CUL7: variants seen among roughly 807,000 people sequenced by gnomAD.
CUL7 encodes the protein cullin 7.
In CUL7, 96 loss-of-function variants were observed where a neutral mutation model predicts 177.7. The ratio of observed to expected loss-of-function variants is 0.54; its 90% CI spans 0.46 to 0.64. The LOEUF (loss-of-function observed/expected upper bound fraction) is 0.64, where lower values mean the gene tolerates loss of function less well. Among genes scored for constraint, CUL7 ranks in the 30% least tolerant of loss-of-function variants. The pLI is 0.00. For missense variants in CUL7, 1,893 were observed against 2,187.9 expected, an observed-to-expected ratio of 0.87 and a Z score of 2.69; for synonymous variants, 824 against 890.2, an observed-to-expected ratio of 0.93 and a Z score of 1.32.
At position 43,053,659 on chromosome 6, in the gene CUL7, C is replaced by T; in HGVS notation, c.-46G>A. The T allele has an allele frequency of 7.2e-7, 1 of 1,397,448 alleles. No homozygotes were observed. Among genetic ancestry groups the T allele is most frequent in the Non-Finnish European group, 9.2e-7 (1 of 1,081,304 alleles). 86.6% of individuals were successfully genotyped at this position (1,397,448 alleles called of 1,614,324 possible). The stretch of plus-strand genomic sequence containing the variant: ...CCGGGGTCCTGGCGCGAGGCCTGTC[C>T]TTCACAGAGCAAGGGACGCGGCACA... On this transcript the variant is annotated 5_prime_UTR_variant, in exon 1 of 26. Coordinates refer to ENST00000265348, the MANE Select transcript of CUL7 (RefSeq NM_014780.5). This position sits in a 1 kb window ranked among gnomAD's most constrained non-coding sequence, Gnocchi z 4.1.
chr6:43,041,648 G>T (rs910136825), intron 19 of CUL7, among the ~76,000 whole-genome samples: 3 of 150,688 alleles, frequency 2.0e-5, no homozygotes, highest in Non-Finnish European at 3.0e-5. Context: ...AAAAAGAAAG[G>T]AGAGGAAAAG....
In CUL7 at chr6:43,051,801, C is replaced by T. The variant is rs1441257817; in HGVS notation, c.581-38G>A. 6.2e-7 allele frequency: 1 copy of T among 1,610,596 alleles called. No homozygotes were observed. Among genetic ancestry groups the T allele is most frequent in the Non-Finnish European group, 8.5e-7 (1 of 1,176,972 alleles). On this transcript the variant is annotated intron_variant, in intron 2 of 25. Transcript: ENST00000265348. The surrounding 1 kb of genome is among the most constrained non-coding windows in gnomAD (Gnocchi z 5.0). ...CCCCAGTTGGTAACTTCTCCCTAATCTCACCCTTCCTAGAAATCTTAGACC... is the reference window on the plus strand; with the variant it reads ...CCCCAGTTGGTAACTTCTCCCTAATTTCACCCTTCCTAGAAATCTTAGACC...
At position 43,052,679 on chromosome 6, in the gene CUL7, T is replaced by G; in HGVS notation, c.110A>C (p.Glu37Ala). Residue 37 changes from glutamate to alanine, a missense_variant, in exon 2 of 26, where the codon GAG becomes GCG. Glu to Ala is a moderately radical substitution (Grantham distance 107). Coordinates refer to ENST00000265348, the MANE Select transcript of CUL7 (RefSeq NM_014780.5). The surrounding 1 kb of genome is among the most constrained non-coding windows in gnomAD (Gnocchi z 4.5). ...CAGGATGAGCCAACGGATCTGGTAC[T>G]CAGGATGCCCATCATGGCCCACGCG... ...RQRVGHDGHP[E>A]YQIRWLILRR... The G allele has an allele frequency of 1.2e-6, 2 of 1,614,134 alleles. No individual in the cohort carries two copies. Among genetic ancestry groups the G allele is most frequent in the Non-Finnish European group, 1.7e-6 (2 of 1,180,036 alleles).
chr6:43,046,698 G>A (rs774619428), intron 10 of CUL7, 97 bp from the exon 11 acceptor site: 1 of 1,546,786 alleles, frequency 6.5e-7, no homozygotes, highest in Admixed American at 1.8e-5. Context: ...GCAGCAGTGG[G>A]ACTTCCTCTA....
rs138276478 is a variant in CUL7 at position 43,044,828 on chromosome 6, G to C, written c.3096C>G (p.Asp1032Glu). 1 of 1,613,986 alleles carries C rather than the reference G, an allele frequency of 6.2e-7. No homozygotes were observed. The highest frequency in any genetic ancestry group is 8.5e-7 in the Non-Finnish European group (1 of 1,179,888). ...TCTTGCCCAGAGCTTGGGCAGCCTC[G>C]TCATCAGGGAGGAAGCGGTCAGCAA... Reference protein sequence around the residue: ...QNFADRFLPDDEAAQALGKTC... With the variant: ...QNFADRFLPDEEAAQALGKTC... Residue 1032 changes from aspartate to glutamate, a missense_variant, in exon 16 of 26, where the codon GAC (aspartate) becomes GAG (glutamate). Asp to Glu is a conservative substitution (Grantham distance 45, BLOSUM62 2). Transcript: ENST00000265348.
Position 43,045,800 on chromosome 6 carries a change from C to G in CUL7, c.2767-118G>C. ...AGCCCTGGGATGTGTAGGGTCCTGA[C>G]AAAGCTGTCCTCATGCCACCCTCAT... On this transcript the variant is annotated intron_variant, in intron 13 of 25. Coordinates refer to ENST00000265348, the MANE Select transcript of CUL7 (RefSeq NM_014780.5). This position sits in a 1 kb window ranked among gnomAD's most constrained non-coding sequence, Gnocchi z 4.8. The G allele has an allele frequency of 8.1e-7, 1 of 1,237,096 alleles. No homozygotes were observed. The allele number at this position is 1,237,096 out of a possible 1,614,324, so 76.6% of individuals were successfully genotyped here. A position where few individuals can be genotyped will look rare whatever the true frequency, so the allele number is the denominator to read the frequency against.
rs772952424 is a variant in CUL7, at chr6:43,051,386, G to A, written c.815C>T (p.Ala272Val). 5.2e-5 allele frequency: 84 copies of A among 1,613,932 alleles called. No homozygotes were observed. The highest frequency in any genetic ancestry group is 6.7e-5 in the African/African-American group (5 of 74,902). Residue 272 changes from alanine (A) to valine (V), a missense_variant, in exon 4 of 26, where the codon GCG becomes GTG. Around this residue, in one of 5 missense-constraint regions of CUL7, gnomAD observed 653 missense variants for 725.2 expected, o/e 0.90. Transcript: ENST00000265348. The surrounding 1 kb of genome is among the most constrained non-coding windows in gnomAD (Gnocchi z 5.0). The stretch of plus-strand genomic sequence containing the variant: ...AGAGGTGTTCTGGGCTCCTGGCTCC[G>A]CAGCACTGTCGTTCAGCTGATCCAG... ...SLLDQLNDSA[A>V]EPGAQNTSAP...
chr6:43,038,670 A>C lies in CUL7; in HGVS notation c.4463T>G (p.Leu1488Arg), dbSNP rs41274912. 6.2e-7 allele frequency: 1 copy of C among 1,613,994 alleles called. No individual in the cohort carries two copies. Among genetic ancestry groups the C allele is most frequent in the African/African-American group, 1.3e-5 (1 of 74,944 alleles). The change falls in exon 24 of 26, where the codon CTG (leucine) becomes CGG (arginine). Residue 1488 changes from leucine to arginine, a missense_variant. By Grantham distance (102) the Leu-to-Arg change is moderately radical. This residue lies in a region of CUL7 where 16 missense variants were observed against 40.0 expected (regional missense o/e 0.40). Transcript: ENST00000265348. ...GTCTGCGGAGAGCCCTGAGAACGCC[A>C]GCAGACTCTCCACAGAGACCGCCTT... ...DLKAVSVESL[L>R]AFSGLSADML...
In CUL7 at chr6:43,037,876, G is replaced by A; in HGVS notation, c.4909C>T (p.His1637Tyr). The change falls in exon 26 of 26, where the codon CAT becomes TAT. Residue 1637 changes from histidine (H) to tyrosine (Y), a missense_variant. By Grantham distance (83) the His-to-Tyr change is moderately conservative. Coordinates refer to ENST00000265348, the MANE Select transcript of CUL7 (RefSeq NM_014780.5). ...HLLGKGTLRR[H>Y]DDRPQVLSYA... ...GACAGCACCTGGGGCCGGTCGTCAT[G>A]GCGTCTCAGCGTGCCCTTGCCCAGG... is the stretch of plus-strand genomic sequence containing the variant. The A allele has an allele frequency of 6.2e-7, 1 of 1,613,822 alleles. No homozygotes were observed. Among genetic ancestry groups the A allele is most frequent in the Non-Finnish European group, 8.5e-7 (1 of 1,179,804 alleles).
In CUL7 at chr6:43,038,254, C is replaced by T. The variant is rs1763118935; in HGVS notation, c.4773+13G>A. On this transcript the variant is annotated intron_variant, in intron 25 of 25. Coordinates refer to ENST00000265348, the MANE Select transcript of CUL7 (RefSeq NM_014780.5). ...GCAAAGATCTGTCACCCATTGTGCC[C>T]ACCCCTGCCTACCAGACAGACAAGC... 7 of 1,613,962 alleles carry T rather than the reference C, an allele frequency of 4.3e-6. No homozygotes were observed. Among genetic ancestry groups the T allele is most frequent in the Non-Finnish European group, 5.9e-6 (7 of 1,179,926 alleles).
Position 43,052,730 on chromosome 6 carries a change from G to A in CUL7, c.59C>T (p.Ala20Val), listed in dbSNP as rs149653927. Residue 20 changes from alanine to valine, a missense_variant, in exon 2 of 26, where the codon GCC becomes GTC. Around this residue, in one of 5 missense-constraint regions of CUL7, gnomAD observed 653 missense variants for 725.2 expected, o/e 0.90. Transcript: ENST00000265348. This position sits in a 1 kb window ranked among gnomAD's most constrained non-coding sequence, Gnocchi z 4.5. ...CTGGCGGATCAGCTCATCAGGATAG[G>A]CATGTAAGCCGGGCCCCAGGGGCAC... ...FRVPLGPGLHAYPDELIRQRV... is the reference protein window; with the variant it reads ...FRVPLGPGLHVYPDELIRQRV... 2 of 1,612,144 alleles carry A rather than the reference G, an allele frequency of 1.2e-6. No individual in the cohort carries two copies. The highest frequency in any genetic ancestry group is 1.7e-6 in the Non-Finnish European group (2 of 1,180,032).
intron 9 of CUL7, chr6:43,047,856 T>A: frequency 4.5e-6 from 2 of 443,598 alleles, no homozygotes; most frequent in South Asian, 7.2e-5. Context: ...GAAAGATACA[T>A]AAATTAATAC....
rs1764439858 is a variant in CUL7, at chr6:43,051,869, A to T, written c.581-106T>A. ...AATCCTTTTGCCACCACACAATGAG[A>T]AAGAACTGATTTGCTTCAAAAGCTA... On this transcript the variant is annotated intron_variant, in intron 2 of 25. Coordinates refer to ENST00000265348, the MANE Select transcript of CUL7 (RefSeq NM_014780.5). This position sits in a 1 kb window ranked among gnomAD's most constrained non-coding sequence, Gnocchi z 5.0. 1.4e-6 allele frequency: 2 copies of T among 1,430,154 alleles called. No individual in the cohort carries two copies. The highest frequency in any genetic ancestry group is 1.7e-5 in the Admixed American group (1 of 59,710). The allele number at this position is 1,430,154 out of a possible 1,614,324, so 88.6% of individuals were successfully genotyped here.
At chr6:43,044,049 G>A (rs899153155) in intron 16 of CUL7, among the ~76,000 whole-genome samples, 3 of 151,536 alleles carry the variant, frequency 2.0e-5, no homozygotes, top group Non-Finnish European at 4.4e-5. Context: ...TGGGTCAGGC[G>A]CGGTGGCTCA....
intron 9 of CUL7, among the ~76,000 whole-genome samples, chr6:43,047,549 G>GT (rs1188826349): frequency 1.3e-5 from 2 of 152,106 alleles, no homozygotes; most frequent in African/African-American, 4.8e-5. Context: ...TAAATTCTAG[G>GT]TAACAGCCAA....
At position 43,053,470 on chromosome 6, in the gene CUL7, G is replaced by A. The variant is rs929894235; in HGVS notation, c.-9+152C>T. Among the ~76,000 whole-genome samples, 2 of 152,122 alleles carry A rather than the reference G, an allele frequency of 1.3e-5. No homozygotes were observed. The highest frequency in any genetic ancestry group is 4.8e-5 in the African/African-American group (2 of 41,410). ...AGGTTGGAGACTGGAGAAGCCAGGG[G>A]CGCGCGGTAAGGTGGGGGAGAGGGG... On this transcript the variant is annotated intron_variant, in intron 1 of 25. Transcript: ENST00000265348. The surrounding 1 kb of genome is among the most constrained non-coding windows in gnomAD (Gnocchi z 4.1).
chr6:43,037,688 C>A lies in CUL7; in HGVS notation c.5097G>T (p.Ter1699TyrextTer2). ...TATQSFSTFR* is the reference protein window; with the variant it reads ...TATQSFSTFRY ...CCTTCCCCTGACCCCAAGTCTAGGG[C>A]TACCGGAAGGTAGAGAAGCTCTGGG... Residue 1699 changes from the stop codon to tyrosine, a stop_lost, in exon 26 of 26, where the codon TAG becomes TAT. Coordinates refer to ENST00000265348, the MANE Select transcript of CUL7 (RefSeq NM_014780.5). 2 of 1,552,994 alleles carry A rather than the reference C, an allele frequency of 1.3e-6. No homozygotes were observed. The highest frequency in any genetic ancestry group is 2.4e-5 in the East Asian group (1 of 41,150).
chr6:43,038,391 A>C lies in CUL7; in HGVS notation c.4649T>G (p.Leu1550Arg). The change falls in exon 25 of 26, where the codon CTG becomes CGG. Residue 1550 changes from leucine to arginine, a missense_variant. Leu to Arg is a moderately radical substitution (Grantham distance 102, BLOSUM62 -2). This residue lies in a region of CUL7 where 248 missense variants were observed against 262.5 expected (regional missense o/e 0.94). Coordinates refer to ENST00000265348, the MANE Select transcript of CUL7 (RefSeq NM_014780.5). ...CTGGCCGTCTTCACCCTCAGCTTGCAGGTACGTCTGAGGTGGGATGAGCCG... is the reference window on the plus strand; with the variant it reads ...CTGGCCGTCTTCACCCTCAGCTTGCCGGTACGTCTGAGGTGGGATGAGCCG... ...IVRLIPPQTY[L>R]QAEGEDGQNL... 2 of 1,614,130 alleles carry C rather than the reference A, an allele frequency of 1.2e-6. No homozygotes were observed. The highest frequency in any genetic ancestry group is 1.7e-6 in the Non-Finnish European group (2 of 1,179,992).
Position 43,052,953 on chromosome 6 carries a change from C to T in CUL7, c.-8-157G>A, listed in dbSNP as rs1764555243. Among the ~76,000 whole-genome samples, 1 of 152,144 alleles carries T rather than the reference C, an allele frequency of 6.6e-6. No homozygotes were observed. The highest frequency in any genetic ancestry group is 1.5e-5 in the Non-Finnish European group (1 of 68,024). ...TTGCATGCTGCACGCTGGGTGGGGG[C>T]AGGCCTAAGCAGAGAACACTGGGGT... On this transcript the variant is annotated intron_variant, in intron 1 of 25. Coordinates refer to ENST00000265348, the MANE Select transcript of CUL7 (RefSeq NM_014780.5). The surrounding 1 kb of genome is among the most constrained non-coding windows in gnomAD (Gnocchi z 4.5).
Sources: gnomAD v4.1 joint callset for allele counts (sites outside exome capture counted in the v4.1 genomes callset) on GRCh38, gnomAD v4.1.1 for gene constraint, gnomAD v4.1.1 regional missense constraint, Gnocchi (gnomAD v3.1) non-coding constraint, MANE v1.5 for transcripts, NCBI Gene and HGNC (gene_info 2026-07-23, HGNC 2026-07-21) for gene names.